Variants in BAZ1B observed in about 807,000 individuals in gnomAD.
BAZ1B encodes the protein bromodomain adjacent to zinc finger domain 1B.
In BAZ1B, 22 loss-of-function variants were observed where a neutral mutation model predicts 153.8. The observed-to-expected ratio is 0.14, with a 90% CI of 0.10 to 0.20. The LOEUF is 0.20. Ranked by LOEUF, BAZ1B falls within the 10% of genes least tolerant of loss-of-function variation. The pLI, the probability that BAZ1B is intolerant of heterozygous loss-of-function variation, is 1.00. For missense variants in BAZ1B, 1,325 were observed against 1,799.3 expected (o/e 0.74, Z 4.77); for synonymous variants, 676 against 633.4 (o/e 1.07, Z -1.01).
chr7:73,454,648 C>G (rs1279258999), intron 13 of BAZ1B, among the ~76,000 whole-genome samples: 1 of 152,174 alleles, frequency 6.6e-6, no homozygotes, highest in African/African-American at 2.4e-5. Flanking sequence ...TCTGAACAGG[C>G]CTATGCTGCC....
chr7:73,471,632 G>A (rs1279917306), intron 7 of BAZ1B, among the ~76,000 whole-genome samples: 2 of 152,224 alleles, frequency 1.3e-5, no homozygotes, highest in South Asian at 2.1e-4. Context: ...TTAGAGATGT[G>A]AGCCACTGCA....
chr7:73,491,703 T>C (rs1363672849), intron 5 of BAZ1B, among the ~76,000 whole-genome samples: 1 of 152,206 alleles, frequency 6.6e-6, no homozygotes, highest in Non-Finnish European at 1.5e-5. Context: ...CTTGTCAGCA[T>C]TCTGAGGCAG....
At chr7:73,499,912 T>C (rs1329453218) in intron 3 of BAZ1B, among the ~76,000 whole-genome samples, 1 of 152,218 alleles carries the variant, frequency 6.6e-6, no homozygotes, top group African/African-American at 2.4e-5. Context: ...ATTCTATGTG[T>C]TTCTCTCTTA....
At chr7:73,491,932 C>A (rs934256389) in intron 5 of BAZ1B, among the ~76,000 whole-genome samples, 1 of 151,920 alleles carries the variant, frequency 6.6e-6, no homozygotes, top group Non-Finnish European at 1.5e-5. Flanking sequence ...TGTAGGAATA[C>A]CTGAAAAGTA....
chr7:73,442,138 C>CCAA, intron 19 of BAZ1B, 43 bp downstream of exon 19: 1 of 423,484 alleles, frequency 2.4e-6, no homozygotes, highest in Non-Finnish European at 4.7e-6. Context: ...CGCTCGCCTC[C>CCAA]CTCCCACCCT....
chr7:73,446,546 C>CA (rs1175189600), intron 16 of BAZ1B, among the ~76,000 whole-genome samples: 2,902 of 39,012 alleles, frequency 0.074, 136 homozygotes, highest in East Asian at 0.16. Flanking sequence ...GAGACCATCT[C>CA]AAAAAAAAAA....
At chr7:73,454,773 G>A (rs1788133099) in intron 13 of BAZ1B, among the ~76,000 whole-genome samples, 1 of 152,098 alleles carries the variant, frequency 6.6e-6, no homozygotes, top group Non-Finnish European at 1.5e-5. Context: ...GAGTACTGCT[G>A]TTTCTCATCA....
chr7:73,453,642 A>C (rs781989496), intron 13 of BAZ1B, among the ~76,000 whole-genome samples: 11 of 152,248 alleles, frequency 7.2e-5, no homozygotes, highest in Non-Finnish European at 1.6e-4. Flanking sequence ...TAACTGTTTA[A>C]TATCTTAGAC....
At chr7:73,498,326 T>A (rs1257952574) in intron 4 of BAZ1B, among the ~76,000 whole-genome samples, 171 bp downstream of exon 4, 1 of 152,202 alleles carries the variant, frequency 6.6e-6, no homozygotes, top group African/African-American at 2.4e-5. Context: ...TTAGGGATAT[T>A]CAAGTGTTTC....
chr7:73,440,633 G>A lies in BAZ1B; in HGVS notation c.*1076C>T, dbSNP rs1787575630. On this transcript the variant is annotated 3_prime_UTR_variant, in exon 20 of 20. Coordinates refer to ENST00000339594, the MANE Select transcript of BAZ1B (RefSeq NM_032408.4). ...GGTGGTGGGGTTATGAAGCTGTGATGTCAGTGCCAACTCCATGCCTATAGA... is the reference window on the plus strand; with the variant it reads ...GGTGGTGGGGTTATGAAGCTGTGATATCAGTGCCAACTCCATGCCTATAGA... 6.6e-6 allele frequency: 1 copy of A among 152,208 alleles called. No homozygotes were observed. The highest frequency in any genetic ancestry group is 1.5e-5 in the Non-Finnish European group (1 of 68,050). The allele number at this position is 152,208 out of a possible 1,614,324, so 9.4% of individuals were successfully genotyped here.
chr7:73,443,860 C>A lies in BAZ1B; in HGVS notation c.3990+124G>T. ...TCACCCATCTGCCTCCCCAGCCTCC[C>A]AAGTTTGGTAAGAAGGAGGAGGGGG... On this transcript the variant is annotated intron_variant, in intron 17 of 19. Transcript: ENST00000339594. 5 of 1,469,498 alleles carry A rather than the reference C, an allele frequency of 3.4e-6. No homozygotes were observed. In the South Asian group the frequency reaches 5.9e-5, roughly 17 times the overall value. The allele number at this position is 1,469,498 out of a possible 1,614,324, so 91.0% of individuals were successfully genotyped here.
chr7:73,512,595 T>G (rs1240787396), intron 1 of BAZ1B, among the ~76,000 whole-genome samples: 6 of 152,128 alleles, frequency 3.9e-5, no homozygotes, highest in Non-Finnish European at 7.4e-5. Context: ...TATGGCAACT[T>G]TCCACACAAA....
chr7:73,462,507 C>T, intron 12 of BAZ1B: 1 of 238,926 alleles, frequency 4.2e-6, no homozygotes, highest in Non-Finnish European at 8.2e-6. Context: ...CACTGGACAA[C>T]ATGAGTGATG....
intron 4 of BAZ1B, among the ~76,000 whole-genome samples, chr7:73,493,530 G>C (rs1233253073): frequency 2.6e-5 from 4 of 151,170 alleles, no homozygotes; most frequent in Non-Finnish European, 5.9e-5. Context: ...CTGGAAGGTA[G>C]GTAGAAAGAT....
At position 73,498,847 on chromosome 7, in the gene BAZ1B, ACTT is replaced by A. The variant is rs1365964550; in HGVS notation, c.370-152_370-150del. 7 of 680,948 alleles carry A rather than the reference ACTT, an allele frequency of 1.0e-5. No individual in the cohort carries two copies. In the African/African-American group the frequency reaches 1.3e-4, roughly 12 times the overall value. The allele number at this position is 680,948 out of a possible 1,614,324, so 42.2% of individuals were successfully genotyped here. On this transcript the variant is annotated intron_variant, in intron 3 of 19. Coordinates refer to ENST00000339594, the MANE Select transcript of BAZ1B (RefSeq NM_032408.4). ...ATCCAAGTACAATGAAGTGTTTTCAACTTTTTTTCTCAGACTTCTAGGTTGAAA... is the reference window on the plus strand; with the variant it reads ...ATCCAAGTACAATGAAGTGTTTTCAATTTTTCTCAGACTTCTAGGTTGAAA...
At chr7:73,471,422 C>T (rs1788799490) in intron 7 of BAZ1B, among the ~76,000 whole-genome samples, 1 of 152,118 alleles carries the variant, frequency 6.6e-6, no homozygotes, top group Admixed American at 6.5e-5. Flanking sequence ...AAAAGCAGCC[C>T]GCTAATTTTG....
At chr7:73,459,332 A>C (rs1046381356) in intron 13 of BAZ1B, among the ~76,000 whole-genome samples, 4 of 151,840 alleles carry the variant, frequency 2.6e-5, no homozygotes, top group African/African-American at 9.7e-5. Flanking sequence ...AATGACCAAG[A>C]AGCAGGGCTG....
intron 13 of BAZ1B, among the ~76,000 whole-genome samples, chr7:73,459,015 G>A (rs1033496865): frequency 6.6e-6 from 1 of 152,100 alleles, no homozygotes; most frequent in African/African-American, 2.4e-5. Flanking sequence ...TTGGGAGGCC[G>A]AAGCGGGTAG....
At chr7:73,500,746 C>T (rs1790093723) in intron 3 of BAZ1B, among the ~76,000 whole-genome samples, 1 of 151,480 alleles carries the variant, frequency 6.6e-6, no homozygotes. Context: ...CAAAAAGTAG[C>T]TGGGCATGGT....
Sources: allele counts gnomAD v4.1 joint callset (sites outside exome capture counted in the v4.1 genomes callset), GRCh38; gene constraint gnomAD v4.1.1; transcripts MANE v1.5; gene names NCBI Gene and HGNC (gene_info 2026-07-23, HGNC 2026-07-21).